GPR158: variants seen among roughly 807,000 people sequenced by gnomAD.
GPR158 encodes metabotropic glycine receptor.
A neutral mutation model predicts 78.2 loss-of-function variants in GPR158; 30 were observed. The observed-to-expected ratio is 0.38, with a 90% confidence interval of 0.29 to 0.52. GPR158 has a LOEUF of 0.52. Among genes scored for constraint, GPR158 ranks in the 20% least tolerant of loss-of-function variants. The pLI, the probability that GPR158 is intolerant of heterozygous loss-of-function variation, is 0.83. For missense variants in GPR158, 1,463 were observed against 1,523.5 expected (o/e 0.96, Z 0.66); for synonymous variants, 581 against 591.1 (o/e 0.98, Z 0.25).
chr10:25,360,870 G>A (rs946308395), intron 2 of GPR158, among the ~76,000 whole-genome samples: 78 of 151,958 alleles, frequency 5.1e-4, no homozygotes, highest in Non-Finnish European at 3.7e-4. Flanking sequence ...CCATTTTCAT[G>A]ATATTGATTC....
chr10:25,194,992 GATAA>G (rs1434953516), intron 1 of GPR158, among the ~76,000 whole-genome samples: 13 of 151,992 alleles, frequency 8.6e-5, no homozygotes, highest in African/African-American at 2.9e-4. Flanking sequence ...AGAATTGACA[GATAA>G]ATAATCGGAT....
chr10:25,591,257 A>G (rs1281793776), intron 8 of GPR158, among the ~76,000 whole-genome samples: 3 of 152,160 alleles, frequency 2.0e-5, no homozygotes, highest in Admixed American at 2.0e-4. Flanking sequence ...AATTTTATTT[A>G]ACCAGCATTT....
chr10:25,580,090 A>T (rs1171550910), intron 7 of GPR158, among the ~76,000 whole-genome samples: 1 of 152,232 alleles, frequency 6.6e-6, no homozygotes, highest in Non-Finnish European at 1.5e-5. Flanking sequence ...ATCACTTGTT[A>T]TATATTTTAT....
chr10:25,381,746 ATAT>A (rs1213715171), intron 2 of GPR158, among the ~76,000 whole-genome samples: 8 of 152,186 alleles, frequency 5.3e-5, no homozygotes, highest in South Asian at 4.1e-4. Context: ...GAATTCAAAG[ATAT>A]TATTCATATT....
chr10:25,241,097 A>G (rs1375893274), intron 2 of GPR158, among the ~76,000 whole-genome samples: 3 of 151,894 alleles, frequency 2.0e-5, no homozygotes, highest in Non-Finnish European at 2.9e-5. Context: ...TAACTCAATT[A>G]TGACCAAATA....
At chr10:25,452,498 C>G (rs552761695) in intron 4 of GPR158, among the ~76,000 whole-genome samples, 74 of 152,150 alleles carry the variant, frequency 4.9e-4, no homozygotes, top group African/African-American at 1.7e-3. Flanking sequence ...GAAGTGGCAC[C>G]CACCCAGCAT....
rs1425753312 is a variant in GPR158 at position 25,601,295 on chromosome 10, G to A, written c.*2021G>A. The stretch of plus-strand genomic sequence containing the variant: ...TGCATTACTCAGGTTGGTGGGGTCG[G>A]TTTGAGAAGATATAGAAATTCTATT... On this transcript the variant is annotated 3_prime_UTR_variant, in exon 11 of 11. Coordinates refer to ENST00000376351, the MANE Select transcript of GPR158 (RefSeq NM_020752.3). 2.6e-5 allele frequency: 4 copies of A among 152,712 alleles called. No homozygotes were observed. The highest frequency in any genetic ancestry group is 6.8e-3 in the Middle Eastern group (2 of 294). 9.5% of individuals were successfully genotyped at this position (152,712 alleles called of 1,614,324 possible).
Position 25,598,344 on chromosome 10 carries a change from A to G in GPR158, c.2718A>G (p.Ile906Met), listed in dbSNP as rs1334941553. ...TSMLQKSLSVIASAKEKTLGL... is the reference protein window; with the variant it reads ...TSMLQKSLSVMASAKEKTLGL... ...TGTTACAGAAGTCTCTCAGTGTCATAGCAAGCGCCAAGGAGAAGACTCTTG... is the reference window on the plus strand; with the variant it reads ...TGTTACAGAAGTCTCTCAGTGTCATGGCAAGCGCCAAGGAGAAGACTCTTG... Residue 906 changes from isoleucine (I) to methionine (M), a missense_variant, in exon 11 of 11, where the codon ATA becomes ATG. By Grantham distance (10) the Ile-to-Met change is conservative (BLOSUM62 1). Transcript: ENST00000376351. 3.1e-6 allele frequency: 5 copies of G among 1,614,180 alleles called. No homozygotes were observed. The highest frequency in any genetic ancestry group is 1.1e-5 in the South Asian group (1 of 91,072).
chr10:25,597,731 C>G, intron 10 of GPR158, 41 bp from the exon 11 acceptor site: 2 of 1,460,622 alleles, frequency 1.4e-6, no homozygotes, highest in Non-Finnish European at 1.8e-6. Flanking sequence ...GACTGGAACA[C>G]TAAATTCTAC....
At chr10:25,485,376 C>T (rs1245140339) in intron 5 of GPR158, among the ~76,000 whole-genome samples, 2 of 151,626 alleles carry the variant, frequency 1.3e-5, no homozygotes, top group African/African-American at 4.8e-5. Flanking sequence ...AATATAAAGA[C>T]ATCATATTTA....
At chr10:25,460,316 C>T (rs1333869996) in intron 4 of GPR158, among the ~76,000 whole-genome samples, 2 of 152,026 alleles carry the variant, frequency 1.3e-5, no homozygotes, top group South Asian at 4.1e-4. Context: ...ATTCTCCTGC[C>T]TCAGCCTCCC....
At chr10:25,597,318 G>T (rs565474447) in intron 10 of GPR158, among the ~76,000 whole-genome samples, 1 of 152,308 alleles carries the variant, frequency 6.6e-6, no homozygotes, top group Non-Finnish European at 1.5e-5. Context: ...ACTACTCAGG[G>T]ATATGGTTCA....
chr10:25,511,517 T>G (rs1344351376), intron 5 of GPR158, among the ~76,000 whole-genome samples: 2 of 152,228 alleles, frequency 1.3e-5, no homozygotes, highest in African/African-American at 2.4e-5. Flanking sequence ...TGATTGTTTC[T>G]TTTGCTATGC....
chr10:25,508,554 G>A (rs1836043650), intron 5 of GPR158, among the ~76,000 whole-genome samples: 1 of 152,142 alleles, frequency 6.6e-6, no homozygotes, highest in South Asian at 2.1e-4. Context: ...TCTGTATGCT[G>A]GCGGACGCTA....
chr10:25,277,575 AC>A (rs1379079707), intron 2 of GPR158, among the ~76,000 whole-genome samples: 1 of 152,102 alleles, frequency 6.6e-6, no homozygotes, highest in Non-Finnish European at 1.5e-5. Context: ...AGAAGTTGAA[AC>A]GAAGGACATA....
chr10:25,331,204 T>G (rs969648313), intron 2 of GPR158, among the ~76,000 whole-genome samples: 4 of 152,150 alleles, frequency 2.6e-5, no homozygotes, highest in Non-Finnish European at 5.9e-5. Context: ...CCTCCCAAAG[T>G]GCTGGGATTA....
At chr10:25,429,414 TGA>T (rs2130572870) in intron 4 of GPR158, among the ~76,000 whole-genome samples, 1 of 152,238 alleles carries the variant, frequency 6.6e-6, no homozygotes, top group South Asian at 2.1e-4. Context: ...AAATATTTTA[TGA>T]GTTCCAAATG....
At chr10:25,527,455 A>T (rs1836365166) in intron 5 of GPR158, among the ~76,000 whole-genome samples, 1 of 152,194 alleles carries the variant, frequency 6.6e-6, no homozygotes, top group Non-Finnish European at 1.5e-5. Context: ...TAAAAGCCCC[A>T]AATATTTGGA....
At chr10:25,198,858 C>G (rs1247708435) in intron 1 of GPR158, among the ~76,000 whole-genome samples, 1 of 151,892 alleles carries the variant, frequency 6.6e-6, no homozygotes, top group African/African-American at 2.4e-5. Context: ...AGTGCTCTGG[C>G]TATAAGTGGG....
Sources: allele counts gnomAD v4.1 joint callset (sites outside exome capture counted in the v4.1 genomes callset), GRCh38; gene constraint gnomAD v4.1.1; transcripts MANE v1.5; gene names NCBI Gene and HGNC (gene_info 2026-07-23, HGNC 2026-07-21).